The following IGF1R variants were observed in gnomAD, a reference collection of about 807,000 sequenced individuals.
The protein encoded by IGF1R is insulin like growth factor 1 receptor.
In IGF1R, 44 loss-of-function variants were observed where a neutral mutation model predicts 144.6. The ratio of observed to expected loss-of-function variants is 0.30; its 90% CI spans 0.24 to 0.39. The LOEUF is 0.39. Ranked by LOEUF, IGF1R falls within the 10% of genes least tolerant of loss-of-function variation. The pLI, the probability that IGF1R is intolerant of heterozygous loss-of-function variation, is 1.00. For synonymous variants in IGF1R, 795 were observed against 722.8 expected (o/e 1.10, Z -1.60); for missense variants, 1,355 against 1,833.7 (o/e 0.74, Z 4.77).
chr15:98,749,847 A>G (rs1171277929), intron 2 of IGF1R, among the ~76,000 whole-genome samples: 1 of 152,006 alleles, frequency 6.6e-6, no homozygotes, highest in Non-Finnish European at 1.5e-5. Flanking sequence ...CCACCTGAAA[A>G]AATAATTTTA....
At chr15:98,756,808 T>C (rs2055167137) in intron 2 of IGF1R, among the ~76,000 whole-genome samples, 1 of 152,198 alleles carries the variant, frequency 6.6e-6, no homozygotes, top group Non-Finnish European at 1.5e-5. Flanking sequence ...TTGATCTCCT[T>C]TTTGTTGTTT....
intron 2 of IGF1R, among the ~76,000 whole-genome samples, chr15:98,886,411 T>C (rs2013643276): frequency 6.6e-6 from 1 of 152,196 alleles, no homozygotes; most frequent in Non-Finnish European, 1.5e-5. Flanking sequence ...TTTCCAACAG[T>C]TTAGATGGGC....
intron 2 of IGF1R, among the ~76,000 whole-genome samples, chr15:98,882,814 A>G (rs906200522): frequency 2.0e-5 from 3 of 152,328 alleles, no homozygotes; most frequent in African/African-American, 4.8e-5. Context: ...AAAGACTGCA[A>G]GATCTCCTTG....
At chr15:98,705,264 G>A (rs1396399122) in intron 1 of IGF1R, among the ~76,000 whole-genome samples, 1 of 152,162 alleles carries the variant, frequency 6.6e-6, no homozygotes, top group Non-Finnish European at 1.5e-5. Flanking sequence ...AAGGTCAAGT[G>A]ACACTTCGAC....
At chr15:98,750,240 C>G (rs115595294) in intron 2 of IGF1R, among the ~76,000 whole-genome samples, 5,084 of 152,242 alleles carry the variant, frequency 0.033, 96 homozygotes, top group East Asian at 0.052. Flanking sequence ...GGCTGTGCTC[C>G]CTTGTTGGGG....
intron 1 of IGF1R, among the ~76,000 whole-genome samples, chr15:98,674,388 C>T (rs1404973418): frequency 6.6e-6 from 1 of 152,182 alleles, no homozygotes; most frequent in Non-Finnish European, 1.5e-5. Flanking sequence ...GTTCCAAGAT[C>T]ACCGTCAATA....
At chr15:98,854,424 T>C (rs2011678936) in intron 2 of IGF1R, among the ~76,000 whole-genome samples, 1 of 152,224 alleles carries the variant, frequency 6.6e-6, no homozygotes, top group Non-Finnish European at 1.5e-5. Flanking sequence ...GGCACTCTCC[T>C]GGGCTCATGA....
intron 6 of IGF1R, 54 bp downstream of exon 6, chr15:98,908,953 C>A (rs2014861770): frequency 1.3e-6 from 2 of 1,495,328 alleles, no homozygotes; most frequent in Non-Finnish European, 1.8e-6. Flanking sequence ...TAACAGCAGA[C>A]CCTCCTCCCA....
chr15:98,830,417 G>C lies in IGF1R; in HGVS notation c.641-60908G>C, dbSNP rs141692825. On this transcript the variant is annotated intron_variant, in intron 2 of 20. Transcript: ENST00000650285. ...CTCAGGGTGTGTGAAAAACAAACCT[G>C]CTTTCTGGACTCTACAGTTTGTGCA... 2.7e-4 allele frequency among the ~76,000 whole-genome samples: 41 copies of C among 152,270 alleles called. No individual in the cohort carries two copies. In the East Asian group the frequency reaches 6.4e-3, roughly 24 times the overall value.
chr15:98,916,532 GAT>G (rs1462228131), intron 9 of IGF1R, 138 bp from the exon 10 acceptor site: 2 of 815,076 alleles, frequency 2.5e-6, no homozygotes, highest in South Asian at 2.9e-5. Flanking sequence ...AAAGTGCTGG[GAT>G]TATAGCCTTG....
chr15:98,918,911 G>A (rs1303711004), intron 10 of IGF1R, among the ~76,000 whole-genome samples: 1 of 152,094 alleles, frequency 6.6e-6, no homozygotes, highest in Non-Finnish European at 1.5e-5. Context: ...TGTGAGAAGG[G>A]CCTGCGAGGC....
rs567931000 is a variant in IGF1R, at chr15:98,963,375, G to A, written c.*5933G>A. On this transcript the variant is annotated 3_prime_UTR_variant, in exon 21 of 21. Transcript: ENST00000650285. ...TGATGATGATTTAAAAAGTAGTTCT[G>A]TATCTTCAGTATCTTGGTCTTCCAG... The A allele has an allele frequency of 7.3e-5, 17 of 233,356 alleles. No homozygotes were observed. The highest frequency in any genetic ancestry group is 3.5e-4 in the African/African-American group (16 of 45,428). 14.5% of individuals were successfully genotyped at this position (233,356 alleles called of 1,614,324 possible).
chr15:98,668,559 G>T (rs2052802548), intron 1 of IGF1R, among the ~76,000 whole-genome samples: 1 of 152,330 alleles, frequency 6.6e-6, no homozygotes, highest in East Asian at 1.9e-4. Flanking sequence ...AGTGAATGCA[G>T]TTTGAGAGGA....
At chr15:98,780,183 A>G (rs912032513) in intron 2 of IGF1R, among the ~76,000 whole-genome samples, 4 of 151,954 alleles carry the variant, frequency 2.6e-5, no homozygotes, top group African/African-American at 9.7e-5. Context: ...AAAAAGAAAA[A>G]AGAAAACTTA....
At chr15:98,812,358 GCT>G (rs1491445351) in intron 2 of IGF1R, among the ~76,000 whole-genome samples, 1 of 148,274 alleles carries the variant, frequency 6.7e-6, no homozygotes, top group Non-Finnish European at 1.5e-5. Flanking sequence ...TCTTGAAAAA[GCT>G]TTTTTTTTTT....
intron 2 of IGF1R, among the ~76,000 whole-genome samples, chr15:98,850,959 G>A (rs538084171): frequency 4.9e-4 from 74 of 152,316 alleles, no homozygotes; most frequent in African/African-American, 1.7e-3. Context: ...AGGGTCTACT[G>A]AGGTGGAGAA....
intron 1 of IGF1R, among the ~76,000 whole-genome samples, chr15:98,681,892 G>A (rs1214039944): frequency 5.3e-5 from 8 of 152,176 alleles, no homozygotes; most frequent in Non-Finnish European, 7.3e-5. Flanking sequence ...GGATGGGTGG[G>A]TGGAGGGGAG....
At chr15:98,777,793 G>A (rs1480885352) in intron 2 of IGF1R, among the ~76,000 whole-genome samples, 2 of 152,238 alleles carry the variant, frequency 1.3e-5, no homozygotes, top group Admixed American at 6.5e-5. Flanking sequence ...GCCTGGTCAT[G>A]CAGAGACGGA....
chr15:98,956,993 G>T, intron 20 of IGF1R, 68 bp from the exon 21 acceptor site: 1 of 1,569,750 alleles, frequency 6.4e-7, no homozygotes, highest in Non-Finnish European at 8.8e-7. Context: ...ACTGCAGGCG[G>T]CCCATGAAGC....
Sources: allele counts gnomAD v4.1 joint callset (sites outside exome capture counted in the v4.1 genomes callset), GRCh38; gene constraint gnomAD v4.1.1; transcripts MANE v1.5; gene names NCBI Gene and HGNC (gene_info 2026-07-23, HGNC 2026-07-21).